IQCM: variants seen among roughly 807,000 people sequenced by gnomAD.
IQCM encodes IQ motif containing M, also known as IQ domain-containing protein M.
Under a neutral mutation model 57.6 loss-of-function variants are expected in IQCM, and 45 were observed. The observed-to-expected ratio is 0.78, with a 90% confidence interval of 0.62 to 1.00. The LOEUF (loss-of-function observed/expected upper bound fraction) is 1.00, where lower values mean the gene tolerates loss of function less well. IQCM is among the 50% of genes least tolerant of loss of function. The pLI is 0.00. For synonymous variants in IQCM, 148 were observed against 158.9 expected, an observed-to-expected ratio of 0.93 and a Z score of 0.51; for missense variants, 468 against 511.6, an observed-to-expected ratio of 0.91 and a Z score of 0.82.
At position 149,548,555 on chromosome 4, in the gene IQCM, C is replaced by G. The variant is rs1451756176; in HGVS notation, c.1128G>C (p.Trp376Cys). 1.6e-6 allele frequency: 2 copies of G among 1,228,926 alleles called. No individual in the cohort carries two copies. The highest frequency in any genetic ancestry group is 3.1e-5 in the African/African-American group (2 of 64,316). The allele number at this position is 1,228,926 out of a possible 1,614,324, so 76.1% of individuals were successfully genotyped here. ...YEIMFAKRED[W>C]PKIERNELPN... ...GGAGCTCATTTCTTTCAATTTTTGG[C>G]CAATCTTCCCTCTTAGCAAACATTA... Residue 376 changes from tryptophan to cysteine, a missense_variant, in exon 12 of 14, where the codon TGG (tryptophan) becomes TGC (cysteine). Transcript: ENST00000636793.
chr4:149,654,371 T>G (rs1195755419), intron 7 of IQCM, among the ~76,000 whole-genome samples: 4 of 152,112 alleles, frequency 2.6e-5, no homozygotes, highest in Admixed American at 2.6e-4. Context: ...CTCCTCACCA[T>G]AGTGAGTGGG....
chr4:149,470,817 C>T (rs1027918811), intron 12 of IQCM, among the ~76,000 whole-genome samples: 1 of 152,186 alleles, frequency 6.6e-6, no homozygotes, highest in African/African-American at 2.4e-5. Flanking sequence ...AAGAAACTCA[C>T]TCAAAACCAC....
chr4:149,673,563 G>A (rs1189707906), intron 7 of IQCM, among the ~76,000 whole-genome samples: 1 of 152,116 alleles, frequency 6.6e-6, no homozygotes, highest in Non-Finnish European at 1.5e-5. Context: ...AATTCAACAA[G>A]AAGAGCTAAC....
At chr4:149,616,729 G>C (rs1459410210) in intron 8 of IQCM, among the ~76,000 whole-genome samples, 2 of 151,976 alleles carry the variant, frequency 1.3e-5, no homozygotes, top group Admixed American at 6.6e-5. Flanking sequence ...GGGCATGTTG[G>C]GCGGCAGCGG....
At chr4:149,651,869 C>T (rs1158380119) in intron 7 of IQCM, among the ~76,000 whole-genome samples, 2 of 152,016 alleles carry the variant, frequency 1.3e-5, no homozygotes. Context: ...TAAATTAGTT[C>T]AACCATTATG....
chr4:149,559,692 A>G (rs140025146), intron 10 of IQCM, among the ~76,000 whole-genome samples: 1 of 152,354 alleles, frequency 6.6e-6, no homozygotes, highest in African/African-American at 2.4e-5. Context: ...AAATCAAAAA[A>G]TACATATGTT....
chr4:149,568,785 A>G (rs1036275068), intron 9 of IQCM, among the ~76,000 whole-genome samples: 1 of 152,178 alleles, frequency 6.6e-6, no homozygotes, highest in Non-Finnish European at 1.5e-5. Flanking sequence ...CTCAAAATAC[A>G]CATGTACATA....
intron 5 of IQCM, among the ~76,000 whole-genome samples, chr4:149,714,356 C>G (rs1342364356): frequency 6.6e-6 from 1 of 152,176 alleles, no homozygotes. Context: ...TAACTCCCTC[C>G]CATGATTATA....
intron 5 of IQCM, among the ~76,000 whole-genome samples, chr4:149,730,431 C>T (rs1203328380): frequency 6.6e-6 from 1 of 152,140 alleles, no homozygotes; most frequent in East Asian, 1.9e-4. Context: ...CTCTTTAAAA[C>T]ATTTAAATTG....
chr4:149,660,934 T>A (rs572431990), intron 7 of IQCM, among the ~76,000 whole-genome samples: 1 of 152,180 alleles, frequency 6.6e-6, no homozygotes, highest in East Asian at 1.9e-4. Flanking sequence ...TATACATATG[T>A]AACTAACCTG....
At chr4:149,620,147 A>C (rs1756201237) in intron 8 of IQCM, among the ~76,000 whole-genome samples, 1 of 149,762 alleles carries the variant, frequency 6.7e-6, no homozygotes, top group Non-Finnish European at 1.5e-5. Context: ...ACAGAGAGAG[A>C]CTCCGTCTCA....
At chr4:149,814,233 A>C (rs1369092344) in intron 2 of IQCM, among the ~76,000 whole-genome samples, 1 of 152,058 alleles carries the variant, frequency 6.6e-6, no homozygotes, top group Non-Finnish European at 1.5e-5. Flanking sequence ...TCCAAGAGGA[A>C]ATATTGAAGT....
chr4:149,734,768 G>T (rs1226824741), intron 4 of IQCM, among the ~76,000 whole-genome samples: 1 of 151,908 alleles, frequency 6.6e-6, no homozygotes, highest in Non-Finnish European at 1.5e-5. Flanking sequence ...ATGTCACCCT[G>T]TGCTGACCCT....
At chr4:149,781,111 C>T (rs1394126069) in intron 2 of IQCM, among the ~76,000 whole-genome samples, 1 of 152,000 alleles carries the variant, frequency 6.6e-6, no homozygotes, top group African/African-American at 2.4e-5. Flanking sequence ...TTTTAGAAAA[C>T]ATTCCTATTT....
At chr4:149,504,927 C>T (rs562548195) in intron 12 of IQCM, among the ~76,000 whole-genome samples, 1 of 152,054 alleles carries the variant, frequency 6.6e-6, no homozygotes, top group East Asian at 1.9e-4. Flanking sequence ...CCTGGGAGGG[C>T]TCCTTTATCC....
At chr4:149,436,340 T>C (rs954391605) in intron 12 of IQCM, among the ~76,000 whole-genome samples, 1 of 152,142 alleles carries the variant, frequency 6.6e-6, no homozygotes, top group African/African-American at 2.4e-5. Context: ...GAACTGCCAC[T>C]TTCTCCCACT....
At chr4:149,754,073 G>T (rs1259559537) in intron 2 of IQCM, among the ~76,000 whole-genome samples, 4 of 152,058 alleles carry the variant, frequency 2.6e-5, no homozygotes, top group Non-Finnish European at 5.9e-5. Context: ...ACTTTAAACT[G>T]CTTCTAGTGA....
chr4:149,431,436 A>AT (rs1734854050), intron 13 of IQCM, among the ~76,000 whole-genome samples: 1 of 151,888 alleles, frequency 6.6e-6, no homozygotes, highest in Non-Finnish European at 1.5e-5. Context: ...ACATCTTCTT[A>AT]TGGACTTTTT....
intron 8 of IQCM, among the ~76,000 whole-genome samples, chr4:149,593,954 G>C (rs561322784): frequency 7.9e-5 from 12 of 152,252 alleles, no homozygotes; most frequent in African/African-American, 2.9e-4. Flanking sequence ...TTTGGTATCA[G>C]GATGATGCTG....
Sources: gnomAD v4.1 joint callset for allele counts (sites outside exome capture counted in the v4.1 genomes callset) on GRCh38, gnomAD v4.1.1 for gene constraint, MANE v1.5 for transcripts, NCBI Gene and HGNC (gene_info 2026-07-23, HGNC 2026-07-21) for gene names.